The following MYO1E variants were observed in gnomAD, a reference collection of about 807,000 sequenced individuals.
The protein encoded by MYO1E is unconventional myosin-Ie.
A neutral mutation model predicts 151.1 loss-of-function variants in MYO1E; 68 were observed. The observed-to-expected ratio is 0.45, with a 90% CI of 0.37 to 0.55. MYO1E has a LOEUF of 0.55. Ranked by LOEUF, MYO1E falls within the 20% of genes least tolerant of loss-of-function variation. MYO1E has a pLI of 0.00. For synonymous variants in MYO1E, 601 were observed against 501.7 expected (o/e 1.20, Z -2.64); for missense variants, 1,363 against 1,389.3 (o/e 0.98, Z 0.30).
At chr15:59,316,177 C>G (rs1389897847) in intron 1 of MYO1E, among the ~76,000 whole-genome samples, 2 of 152,220 alleles carry the variant, frequency 1.3e-5, no homozygotes, top group Admixed American at 6.5e-5. Context: ...CTCTCACCAT[C>G]TGAAGAATTT....
At chr15:59,217,033 C>T (rs2079923062) in intron 10 of MYO1E, among the ~76,000 whole-genome samples, 1 of 152,094 alleles carries the variant, frequency 6.6e-6, no homozygotes. Flanking sequence ...CTGCCAACAG[C>T]CACATGGGCA....
At chr15:59,184,640 T>C (rs1237185966) in intron 18 of MYO1E, among the ~76,000 whole-genome samples, 1 of 152,172 alleles carries the variant, frequency 6.6e-6, no homozygotes, top group Non-Finnish European at 1.5e-5. Flanking sequence ...GGATTACAGG[T>C]GTGAGCCACT....
intron 17 of MYO1E, among the ~76,000 whole-genome samples, chr15:59,191,381 T>C (rs1337588617): frequency 3.0e-5 from 4 of 133,152 alleles, no homozygotes; most frequent in South Asian, 2.1e-4. Context: ...AGAAATGTCA[T>C]GTCAATTAAA....
chr15:59,214,615 C>A (rs775959482), intron 11 of MYO1E, 25 bp downstream of exon 11: 35 of 1,559,644 alleles, frequency 2.2e-5, no homozygotes, highest in Middle Eastern at 1.7e-4. Context: ...CCTCCTCAAC[C>A]CCTAGTTATT....
chr15:59,304,324 T>C (rs2080502215), intron 1 of MYO1E, among the ~76,000 whole-genome samples: 1 of 152,144 alleles, frequency 6.6e-6, no homozygotes. Flanking sequence ...GTCAGGTACG[T>C]GGCCAAGGTC....
At chr15:59,154,332 C>G (rs1202813688) in intron 25 of MYO1E, among the ~76,000 whole-genome samples, 1 of 152,186 alleles carries the variant, frequency 6.6e-6, no homozygotes, top group Non-Finnish European at 1.5e-5. Context: ...TCTACACAGG[C>G]AAGGGAAAAG....
intron 27 of MYO1E, 147 bp downstream of exon 27, chr15:59,138,051 G>A (rs1391205269): frequency 2.1e-6 from 2 of 939,204 alleles, no homozygotes; most frequent in Non-Finnish European, 3.4e-6. Context: ...CTGGTGTCTT[G>A]ATCAGACTGA....
rs2140296042 is a variant in MYO1E at position 59,134,176 on chromosome 15, C to T, written c.*3204G>A. On this transcript the variant is annotated 3_prime_UTR_variant, in exon 28 of 28. Coordinates refer to ENST00000288235, the MANE Select transcript of MYO1E (RefSeq NM_004998.4). Reference sequence around the variant, plus strand: ...CAGGGCAGGTCCTTTAAGGAGGAAACTGCACGATGCTTTTCTACCTTCATT... The same window carrying T: ...CAGGGCAGGTCCTTTAAGGAGGAAATTGCACGATGCTTTTCTACCTTCATT... 1 of 152,408 alleles carries T rather than the reference C, an allele frequency of 6.6e-6. No homozygotes were observed. The highest frequency in any genetic ancestry group is 2.1e-4 in the South Asian group (1 of 4,834). 9.4% of individuals were successfully genotyped at this position (152,408 alleles called of 1,614,324 possible).
rs1241127702 is a variant in MYO1E at position 59,356,649 on chromosome 15, C to T, written c.3+15849G>A. 1.4e-4 allele frequency among the ~76,000 whole-genome samples: 22 copies of T among 152,178 alleles called. 1 individual carries two copies. The highest frequency in any genetic ancestry group is 1.4e-3 in the Admixed American group (22 of 15,276). ...ACAGGGTCTCTCTCTGCAATCTCGG[C>T]TCACTGCACCCTCTGCCTCCCGGGC... On this transcript the variant is annotated intron_variant, in intron 1 of 27. Transcript: ENST00000288235.
chr15:59,247,111 G>A (rs532123488), intron 4 of MYO1E, among the ~76,000 whole-genome samples: 2 of 152,284 alleles, frequency 1.3e-5, no homozygotes, highest in South Asian at 2.1e-4. Flanking sequence ...TGGGAGGATC[G>A]CTTGAGCCTG....
chr15:59,293,240 C>A (rs2080430157), intron 1 of MYO1E, among the ~76,000 whole-genome samples: 1 of 152,160 alleles, frequency 6.6e-6, no homozygotes, highest in East Asian at 1.9e-4. Flanking sequence ...TGAGGGTTCC[C>A]TATCTGCCAA....
chr15:59,139,729 C>T (rs2079397954), intron 26 of MYO1E, among the ~76,000 whole-genome samples: 2 of 149,350 alleles, frequency 1.3e-5, no homozygotes, highest in South Asian at 4.2e-4. Flanking sequence ...CCTCCTACCT[C>T]CTCATTATTA....
intron 1 of MYO1E, among the ~76,000 whole-genome samples, chr15:59,315,772 C>T (rs920203900): frequency 6.6e-6 from 1 of 152,088 alleles, no homozygotes; most frequent in African/African-American, 2.4e-5. Flanking sequence ...GGAAATAATG[C>T]CCCAATGCTG....
chr15:59,195,167 C>T (rs2079758811), intron 17 of MYO1E, among the ~76,000 whole-genome samples: 1 of 152,194 alleles, frequency 6.6e-6, no homozygotes, highest in Non-Finnish European at 1.5e-5. Flanking sequence ...ATTTTAAAAC[C>T]ATCATGACTC....
chr15:59,349,098 G>A (rs1470024654), intron 1 of MYO1E, among the ~76,000 whole-genome samples: 1 of 152,066 alleles, frequency 6.6e-6, no homozygotes, highest in Non-Finnish European at 1.5e-5. Flanking sequence ...GTTGAGCCTA[G>A]ATCTAGAAAC....
intron 1 of MYO1E, among the ~76,000 whole-genome samples, chr15:59,292,649 C>T (rs569195984): frequency 6.6e-6 from 1 of 152,316 alleles, no homozygotes; most frequent in African/African-American, 2.4e-5. Flanking sequence ...CTTTCCAGAG[C>T]AGAGTTAAGG....
intron 17 of MYO1E, among the ~76,000 whole-genome samples, chr15:59,192,642 GT>G (rs2079741089): frequency 1.3e-5 from 2 of 152,306 alleles, no homozygotes; most frequent in South Asian, 4.1e-4. Context: ...CAAGTGAGAT[GT>G]TTTCATTTAA....
At chr15:59,227,376 T>C (rs1407929232) in intron 7 of MYO1E, 83 bp downstream of exon 7, 1 of 1,558,082 alleles carries the variant, frequency 6.4e-7, no homozygotes, top group South Asian at 1.1e-5. Flanking sequence ...CTTCCTAGAC[T>C]ATAGTCTATG....
At position 59,372,658 on chromosome 15, in the gene MYO1E, G is replaced by A. The variant is rs2080955170; in HGVS notation, c.-158C>T. 3 of 907,076 alleles carry A rather than the reference G, an allele frequency of 3.3e-6. No homozygotes were observed. Among genetic ancestry groups the A allele is most frequent in the Admixed American group, 2.6e-5 (1 of 37,784 alleles). The allele number at this position is 907,076 out of a possible 1,614,324, so 56.2% of individuals were successfully genotyped here. A position where few individuals can be genotyped will look rare whatever the true frequency, so the allele number is the denominator to read the frequency against. On this transcript the variant is annotated 5_prime_UTR_variant, in exon 1 of 28. Transcript: ENST00000288235. ...ACAGGAGCCAATGGGAACCCAGAGG[G>A]GACTCCATCCAGGCGGGATTGGCGG...
Sources: allele counts gnomAD v4.1 joint callset (sites outside exome capture counted in the v4.1 genomes callset), GRCh38; gene constraint gnomAD v4.1.1; transcripts MANE v1.5; gene names NCBI Gene and HGNC (gene_info 2026-07-23, HGNC 2026-07-21).